Variants in UBAP1 observed in about 807,000 individuals in gnomAD.
UBAP1 encodes ubiquitin associated protein 1.
In UBAP1, 5 loss-of-function variants were observed where a neutral mutation model predicts 39.0. The ratio of observed to expected loss-of-function variants is 0.13; its 90% confidence interval spans 0.07 to 0.27. The LOEUF is 0.27. Ranked by LOEUF, UBAP1 falls within the 10% of genes least tolerant of loss-of-function variation. The pLI is 1.00. For missense variants in UBAP1, 490 were observed against 608.1 expected, an observed-to-expected ratio of 0.81 and a Z score of 2.04; for synonymous variants, 211 against 225.1, an observed-to-expected ratio of 0.94 and a Z score of 0.56.
chr9:34,203,892 A>G (rs1381311044), intron 1 of UBAP1, among the ~76,000 whole-genome samples: 1 of 152,240 alleles, frequency 6.6e-6, no homozygotes, highest in Non-Finnish European at 1.5e-5. Context: ...AAAATCATTC[A>G]GGTTTCACAT....
intron 1 of UBAP1, among the ~76,000 whole-genome samples, chr9:34,219,705 C>G (rs1264934762): frequency 1.0e-5 from 1 of 98,772 alleles, no homozygotes; most frequent in Non-Finnish European, 2.2e-5. Flanking sequence ...CCTCTCCTCT[C>G]CTCTCCCCTC....
intron 2 of UBAP1, among the ~76,000 whole-genome samples, chr9:34,222,141 A>G (rs531856130): frequency 6.6e-6 from 1 of 152,144 alleles, no homozygotes; most frequent in Non-Finnish European, 1.5e-5. Flanking sequence ...AAATACATAT[A>G]TATATCACAT....
chr9:34,207,939 T>TTA (rs906715932), intron 1 of UBAP1, among the ~76,000 whole-genome samples: 1 of 152,232 alleles, frequency 6.6e-6, no homozygotes, highest in African/African-American at 2.4e-5. Context: ...ATAACAATGC[T>TTA]AAGCAATTGT....
intron 2 of UBAP1, among the ~76,000 whole-genome samples, chr9:34,228,189 T>A (rs1329238253): frequency 6.6e-6 from 1 of 151,492 alleles, no homozygotes; most frequent in East Asian, 2.0e-4. Context: ...GAGGCCGAGG[T>A]GGGCGGATCA....
chr9:34,242,605 C>T (rs1275623934), intron 4 of UBAP1, among the ~76,000 whole-genome samples: 1 of 152,202 alleles, frequency 6.6e-6, no homozygotes, highest in African/African-American at 2.4e-5. Flanking sequence ...TCTCGGCTCA[C>T]TGCCAACCTC....
intron 1 of UBAP1, among the ~76,000 whole-genome samples, chr9:34,198,389 C>CCGGGCTGCCTGGTTGGGCAGG (rs1831180330): frequency 6.6e-6 from 1 of 152,134 alleles, no homozygotes; most frequent in East Asian, 1.9e-4. Flanking sequence ...GGTTCTGTGG[C>CCGGGCTGCCTGGTTGGGCAGG]CGGGCTGCCT....
At chr9:34,183,493 C>T (rs995128295) in intron 1 of UBAP1, among the ~76,000 whole-genome samples, 2 of 147,544 alleles carry the variant, frequency 1.4e-5, no homozygotes, top group Non-Finnish European at 3.0e-5. Context: ...GCGGAGCTTG[C>T]AGTGAGCTGA....
intron 2 of UBAP1, 31 bp from the exon 3 acceptor site, chr9:34,234,185 C>T (rs1229165132): frequency 6.3e-7 from 1 of 1,575,824 alleles, no homozygotes; most frequent in Admixed American, 2.0e-5. Context: ...AAGTTCTTTG[C>T]TGATATTTTC....
intron 1 of UBAP1, among the ~76,000 whole-genome samples, chr9:34,203,232 C>T (rs1380723171): frequency 6.6e-6 from 1 of 152,156 alleles, no homozygotes; most frequent in Non-Finnish European, 1.5e-5. Context: ...ATCTTTTGGG[C>T]TCAGGAGTTT....
intron 6 of UBAP1, among the ~76,000 whole-genome samples, chr9:34,251,057 G>A (rs1213364885): frequency 2.0e-5 from 3 of 152,194 alleles, no homozygotes; most frequent in African/African-American, 7.2e-5. Flanking sequence ...TTTTTGCCTA[G>A]ACTGCTCTTT....
chr9:34,193,517 C>T (rs1830852053), intron 1 of UBAP1, among the ~76,000 whole-genome samples: 2 of 152,062 alleles, frequency 1.3e-5, no homozygotes, highest in South Asian at 4.1e-4. Flanking sequence ...ACTGCCTGCA[C>T]ACCCCTGGAC....
intron 1 of UBAP1, among the ~76,000 whole-genome samples, chr9:34,184,075 T>C (rs1161576162): frequency 2.6e-5 from 4 of 151,958 alleles, no homozygotes; most frequent in Non-Finnish European, 5.9e-5. Flanking sequence ...CGGCCCAGAA[T>C]TTCTTATAGG....
At chr9:34,214,400 A>G (rs1333958914) in intron 1 of UBAP1, among the ~76,000 whole-genome samples, 4 of 152,218 alleles carry the variant, frequency 2.6e-5, no homozygotes, top group Non-Finnish European at 4.4e-5. Flanking sequence ...CGACAAAGCA[A>G]ACAAAAACAT....
At chr9:34,191,891 A>C (rs1433935361) in intron 1 of UBAP1, 4 of 152,118 alleles carry the variant, frequency 2.6e-5, no homozygotes, top group Non-Finnish European at 5.9e-5. Flanking sequence ...AACTACTAAA[A>C]AGTAAAAGTG....
intron 1 of UBAP1, among the ~76,000 whole-genome samples, chr9:34,213,892 A>G (rs1163808729): frequency 6.6e-6 from 1 of 151,016 alleles, no homozygotes; most frequent in Non-Finnish European, 1.5e-5. Flanking sequence ...CAAGCAGAGA[A>G]TCAAATAAAA....
chr9:34,195,326 C>T (rs778434013), intron 1 of UBAP1, among the ~76,000 whole-genome samples: 2 of 151,948 alleles, frequency 1.3e-5, no homozygotes, highest in Non-Finnish European at 2.9e-5. Flanking sequence ...GTCTATGATT[C>T]ATTTTGAATT....
intron 1 of UBAP1, among the ~76,000 whole-genome samples, chr9:34,216,282 T>A (rs1352922098): frequency 6.6e-6 from 1 of 152,132 alleles, no homozygotes; most frequent in Non-Finnish European, 1.5e-5. Context: ...TAGTGGCATT[T>A]AGTACTCTCA....
At chr9:34,207,769 C>A (rs1831796518) in intron 1 of UBAP1, among the ~76,000 whole-genome samples, 1 of 151,668 alleles carries the variant, frequency 6.6e-6, no homozygotes, top group African/African-American at 2.4e-5. Context: ...ATTATCTGGC[C>A]ATGTATATAT....
intron 4 of UBAP1, among the ~76,000 whole-genome samples, chr9:34,242,767 C>T (rs563874847): frequency 6.6e-6 from 1 of 152,248 alleles, no homozygotes; most frequent in Admixed American, 6.5e-5. Flanking sequence ...TTAGTTGATC[C>T]ACCTGCCTCC....
Sources: allele counts gnomAD v4.1 joint callset (sites outside exome capture counted in the v4.1 genomes callset), GRCh38; gene constraint gnomAD v4.1.1; transcripts MANE v1.5; gene names NCBI Gene and HGNC (gene_info 2026-07-23, HGNC 2026-07-21).